AQP6: variants seen among roughly 807,000 people sequenced by gnomAD.
The protein encoded by AQP6 is aquaporin-6.
AQP6 carries 14 observed loss-of-function variants against 16.3 expected under a neutral mutation model. The ratio of observed to expected loss-of-function variants is 0.86; its 90% CI spans 0.57 to 1.34. The LOEUF is 1.34. AQP6 is among the 40% of genes most tolerant of loss of function. The pLI is 0.00. For synonymous variants in AQP6, 178 were observed against 166.8 expected, an observed-to-expected ratio of 1.07 and a Z score of -0.52; for missense variants, 331 against 379.7, an observed-to-expected ratio of 0.87 and a Z score of 1.07.
chr12:49,977,132 T>A lies in AQP6; in HGVS notation c.*1461T>A. ...GAAAAACAACCCCAATAAATGATGA[T>A]TATTGTTGCTGTTACTGTAATTATT... On this transcript the variant is annotated 3_prime_UTR_variant, in exon 4 of 4. Transcript: ENST00000315520. 4.4e-6 allele frequency: 3 copies of A among 682,188 alleles called. No homozygotes were observed. The highest frequency in any genetic ancestry group is 8.0e-6 in the Non-Finnish European group (3 of 375,222). The allele number at this position is 682,188 out of a possible 1,614,324, so 42.3% of individuals were successfully genotyped here.
rs1947561759 is a variant in AQP6 at position 49,975,137 on chromosome 12, G to A, written c.642+311G>A. 1 of 1,293,174 alleles carries A rather than the reference G, an allele frequency of 7.7e-7. No homozygotes were observed. The highest frequency in any genetic ancestry group is 3.3e-5 in the East Asian group (1 of 30,696). 80.1% of individuals were successfully genotyped at this position (1,293,174 alleles called of 1,614,324 possible). ...AGAAATAGACACACACACCAGCAGA[G>A]ACAGAAACAGCAATAGCCAGGACTC... On this transcript the variant is annotated intron_variant, in intron 3 of 3. Coordinates refer to ENST00000315520, the MANE Select transcript of AQP6 (RefSeq NM_001652.4). The surrounding 1 kb of genome is among the most constrained non-coding windows in gnomAD (Gnocchi z 4.4).
At position 49,975,125 on chromosome 12, in the gene AQP6, C is replaced by CA; in HGVS notation, c.642+300dup. The stretch of plus-strand genomic sequence containing the variant: ...AAAAAGACAAACAGAAATAGACACA[C>CA]ACACCAGCAGAGACAGAAACAGCAA... On this transcript the variant is annotated intron_variant, in intron 3 of 3. Transcript: ENST00000315520. This position sits in a 1 kb window ranked among gnomAD's most constrained non-coding sequence, Gnocchi z 4.4. 7.6e-7 allele frequency: 1 copy of CA among 1,320,722 alleles called. No individual in the cohort carries two copies. Among genetic ancestry groups the CA allele is most frequent in the Non-Finnish European group, 9.6e-7 (1 of 1,036,566 alleles). The allele number at this position is 1,320,722 out of a possible 1,614,324, so 81.8% of individuals were successfully genotyped here. A position where few individuals can be genotyped will look rare whatever the true frequency, so the allele number is the denominator to read the frequency against.
At chr12:49,974,561 G>A (rs141425617) in intron 2 of AQP6, 79 bp downstream of exon 2, 3 of 1,499,202 alleles carry the variant, frequency 2.0e-6, no homozygotes, top group Non-Finnish European at 2.7e-6. Flanking sequence ...TGAAGGCCAG[G>A]CAGTGTCCCT....
At position 49,973,522 on chromosome 12, in the gene AQP6, C is replaced by T. The variant is rs759606356; in HGVS notation, c.349C>T (p.Leu117=). 1 of 1,613,430 alleles carries T rather than the reference C, an allele frequency of 6.2e-7. No homozygotes were observed. Among genetic ancestry groups the T allele is most frequent in the Non-Finnish European group, 8.5e-7 (1 of 1,179,828 alleles). The change falls in exon 1 of 4, where the codon CTG becomes TTG. Residue 117 remains leucine, a synonymous_variant. Coordinates refer to ENST00000315520, the MANE Select transcript of AQP6 (RefSeq NM_001652.4). ...GGTGGGGGCCACGGTGGGGGCTGCT[C>T]TGCTTTATGGGGTCATGCCGGGAGA... ...QLVGATVGAA[L]LYGVMPGDIR...
chr12:49,976,999 C>A lies in AQP6; in HGVS notation c.*1328C>A, dbSNP rs77898384. ...TTTATTCTGCCCACAACTTGGGGGT[C>A]CTTTCTGGATCTCGGCTTCTCCAGC... On this transcript the variant is annotated 3_prime_UTR_variant, in exon 4 of 4. Transcript: ENST00000315520. The A allele has an allele frequency of 4.9e-3, 3,430 of 702,374 alleles. 98 individuals are homozygous for A. The African/African-American group carries it at 0.054, about 11-fold the overall frequency. 43.5% of individuals were successfully genotyped at this position (702,374 alleles called of 1,614,324 possible).
In AQP6 at chr12:49,973,092, C is replaced by A; in HGVS notation, c.-82C>A. 1 of 1,482,530 alleles carries A rather than the reference C, an allele frequency of 6.7e-7. No individual in the cohort carries two copies. Among genetic ancestry groups the A allele is most frequent in the Non-Finnish European group, 8.9e-7 (1 of 1,119,102 alleles). The allele number at this position is 1,482,530 out of a possible 1,614,324, so 91.8% of individuals were successfully genotyped here. ...GCCAGGGTCAGCCAGAGACAGGACA[C>A]CAGAAGAGACAGGAGATCAGAGACC... On this transcript the variant is annotated 5_prime_UTR_variant, in exon 1 of 4. Transcript: ENST00000315520.
At chr12:49,973,827 G>A in intron 1 of AQP6, 2 of 1,161,452 alleles carry the variant, frequency 1.7e-6, no homozygotes, top group Admixed American at 3.1e-5. Context: ...AGGAATAGAA[G>A]GACCAGGCGT....
chr12:49,974,953 CT>C, intron 3 of AQP6, 127 bp downstream of exon 3: 1 of 1,455,178 alleles, frequency 6.9e-7, no homozygotes, highest in Admixed American at 2.6e-5. Context: ...GACTTCCTTT[CT>C]TTTCGGCTTC....
chr12:49,975,147 G>A lies in AQP6; in HGVS notation c.643-318G>A. 3.9e-6 allele frequency: 5 copies of A among 1,294,568 alleles called. No homozygotes were observed. In the South Asian group the frequency reaches 9.0e-5, roughly 23 times the overall value. The allele number at this position is 1,294,568 out of a possible 1,614,324, so 80.2% of individuals were successfully genotyped here. ...ACACACACCAGCAGAGACAGAAACA[G>A]CAATAGCCAGGACTCCTGGCTAAAA... On this transcript the variant is annotated intron_variant, in intron 3 of 3. Coordinates refer to ENST00000315520, the MANE Select transcript of AQP6 (RefSeq NM_001652.4). This position sits in a 1 kb window ranked among gnomAD's most constrained non-coding sequence, Gnocchi z 4.4.
Position 49,973,500 on chromosome 12 carries a change from G to T in AQP6, c.327G>T (p.Val109=). The T allele has an allele frequency of 6.2e-7, 1 of 1,613,650 alleles. No individual in the cohort carries two copies. Among genetic ancestry groups the T allele is most frequent in the Non-Finnish European group, 8.5e-7 (1 of 1,179,932 alleles). The change falls in exon 1 of 4, where the codon GTG becomes GTT. Residue 109 remains valine, a synonymous_variant. Transcript: ENST00000315520. ...TGGCCTATGTGGCTGCCCAGCTGGTGGGGGCCACGGTGGGGGCTGCTCTGC... is the reference window on the plus strand; with the variant it reads ...TGGCCTATGTGGCTGCCCAGCTGGTTGGGGCCACGGTGGGGGCTGCTCTGC... The part of the protein sequence containing the change: ...RAVAYVAAQL[V]GATVGAALLY...
rs1410806038 is a variant in AQP6 at position 49,975,632 on chromosome 12, C to A, written c.810C>A (p.Ser270=). The A allele has an allele frequency of 6.3e-7, 1 of 1,592,268 alleles. No individual in the cohort carries two copies. Among genetic ancestry groups the A allele is most frequent in the Non-Finnish European group, 8.5e-7 (1 of 1,173,246 alleles). Residue 270 remains serine (S), a synonymous_variant, in exon 4 of 4, where the codon TCC becomes TCA. Coordinates refer to ENST00000315520, the MANE Select transcript of AQP6 (RefSeq NM_001652.4). The surrounding 1 kb of genome is among the most constrained non-coding windows in gnomAD (Gnocchi z 4.4). ...GAGAEPLKKE[S]QPGSGAVEME... is the part of the protein sequence containing the mutation. ...GGGCGGAGCCCCTGAAGAAGGAATCCCAGCCGGGTTCGGGAGCCGTGGAGA... is the reference window on the plus strand; with the variant it reads ...GGGCGGAGCCCCTGAAGAAGGAATCACAGCCGGGTTCGGGAGCCGTGGAGA...
chr12:49,974,958 C>T (rs967616702), intron 3 of AQP6, 132 bp downstream of exon 3: 13 of 1,449,544 alleles, frequency 9.0e-6, no homozygotes, highest in Middle Eastern at 1.8e-4. Context: ...CCTTTCTTTT[C>T]GGCTTCAGTT....
Position 49,973,714 on chromosome 12 carries a change from C to T in AQP6, c.402+139C>T, listed in dbSNP as rs533828109. On this transcript the variant is annotated intron_variant, in intron 1 of 3. Transcript: ENST00000315520. Reference sequence around the variant, plus strand: ...GCTCCACATCCTCCCGGGCTGGGCCCCAGGACCCAGAGGACTGAGACTTTG... The same window carrying T: ...GCTCCACATCCTCCCGGGCTGGGCCTCAGGACCCAGAGGACTGAGACTTTG... 21 of 1,306,662 alleles carry T rather than the reference C, an allele frequency of 1.6e-5. No homozygotes were observed. The Admixed American group carries it at 5.9e-4, about 37-fold the overall frequency. The allele number at this position is 1,306,662 out of a possible 1,614,324, so 80.9% of individuals were successfully genotyped here.
At chr12:49,974,526 C>A in intron 2 of AQP6, 44 bp downstream of exon 2, 1 of 1,553,146 alleles carries the variant, frequency 6.4e-7, no homozygotes, top group Non-Finnish European at 8.7e-7. Context: ...ACACCGGGTC[C>A]GTCCCCGGGG....
rs142788752 is a variant in AQP6 at position 49,975,637 on chromosome 12, C to T, written c.815C>T (p.Pro272Leu). 9.1e-5 allele frequency: 144 copies of T among 1,589,990 alleles called. No homozygotes were observed. In the East Asian group the frequency reaches 1.1e-3, roughly 12 times the overall value. The change falls in exon 4 of 4, where the codon CCG becomes CTG. Residue 272 changes from proline (P) to leucine (L), a missense_variant. By Grantham distance (98) the Pro-to-Leu change is moderately conservative. Coordinates refer to ENST00000315520, the MANE Select transcript of AQP6 (RefSeq NM_001652.4). The surrounding 1 kb of genome is among the most constrained non-coding windows in gnomAD (Gnocchi z 4.4). The part of the protein sequence containing the change: ...GAEPLKKESQ[P>L]GSGAVEMESV ...GAGCCCCTGAAGAAGGAATCCCAGC[C>T]GGGTTCGGGAGCCGTGGAGATGGAG... is the stretch of plus-strand genomic sequence containing the variant.
chr12:49,973,590 G>A lies in AQP6; in HGVS notation c.402+15G>A, dbSNP rs1462827185. 1.3e-6 allele frequency: 2 copies of A among 1,575,838 alleles called. No homozygotes were observed. Among genetic ancestry groups the A allele is most frequent in the Non-Finnish European group, 1.7e-6 (2 of 1,158,436 alleles). On this transcript the variant is annotated intron_variant, in intron 1 of 3. Transcript: ENST00000315520. The stretch of plus-strand genomic sequence containing the variant: ...GGATCAACGTGGTAGGTGCAGGGAG[G>A]GGCACCTGGAGGGCCAGGAGGCGGG...
In AQP6 at chr12:49,977,077, C is replaced by A; in HGVS notation, c.*1406C>A. On this transcript the variant is annotated 3_prime_UTR_variant, in exon 4 of 4. Transcript: ENST00000315520. ...AGGGACTGCTGTGAAATCAAGAAAT[C>A]GGAAAATACTTTCAGAAGTTAAAAT... 1 of 693,084 alleles carries A rather than the reference C, an allele frequency of 1.4e-6. No homozygotes were observed. The highest frequency in any genetic ancestry group is 1.5e-5 in the South Asian group (1 of 65,042). 42.9% of individuals were successfully genotyped at this position (693,084 alleles called of 1,614,324 possible).
Position 49,973,451 on chromosome 12 carries a change from C to G in AQP6, c.278C>G (p.Ser93Cys). The G allele has an allele frequency of 1.2e-6, 2 of 1,613,726 alleles. No individual in the cohort carries two copies. Among genetic ancestry groups the G allele is most frequent in the Non-Finnish European group, 1.7e-6 (2 of 1,180,044 alleles). ...GTGACGCTGGCCTTCCTCGTAGGCT[C>G]CCACATCTCTCTGCCCCGTGCTGTG... ...PAVTLAFLVG[S>C]HISLPRAVAY... is the part of the protein sequence containing the mutation. The change falls in exon 1 of 4, where the codon TCC (serine) becomes TGC (cysteine). Residue 93 changes from serine to cysteine, a missense_variant. By Grantham distance (112) the Ser-to-Cys change is moderately radical. Transcript: ENST00000315520.
rs545053373 is a variant in AQP6, at chr12:49,975,322, C to T, written c.643-143C>T. 939 of 1,444,374 alleles carry T rather than the reference C, an allele frequency of 6.5e-4. 3 individuals carry two copies. Among genetic ancestry groups the T allele is most frequent in the Non-Finnish European group, 6.2e-4 (688 of 1,106,556 alleles). 89.5% of individuals were successfully genotyped at this position (1,444,374 alleles called of 1,614,324 possible). A position where few individuals can be genotyped will look rare whatever the true frequency, so the allele number is the denominator to read the frequency against. The stretch of plus-strand genomic sequence containing the variant: ...CCTTGTGGGCTTGGGAAACACGACT[C>T]GTGGTTCTCAAATTTAGCACCTTAC... On this transcript the variant is annotated intron_variant, in intron 3 of 3. Transcript: ENST00000315520. The surrounding 1 kb of genome is among the most constrained non-coding windows in gnomAD (Gnocchi z 4.4).
Sources: allele counts gnomAD v4.1 joint callset, GRCh38; gene constraint gnomAD v4.1.1; non-coding constraint Gnocchi (gnomAD v3.1); transcripts MANE v1.5; gene names NCBI Gene and HGNC (gene_info 2026-07-23, HGNC 2026-07-21).